The following NARS2 variants were observed in gnomAD, a reference collection of about 807,000 sequenced individuals.
NARS2 encodes the protein asparaginyl-tRNA synthetase 2, mitochondrial.
Under a neutral mutation model 62.9 loss-of-function variants are expected in NARS2, and 60 were observed. That is an observed-to-expected ratio of 0.95 (90% CI 0.77 to 1.18). NARS2 has a LOEUF of 1.18. Among genes scored for constraint, NARS2 ranks in the 50% most tolerant of loss-of-function variants. The probability of loss-of-function intolerance (pLI) is 0.00; values close to 1 mark genes in which losing one functional copy is unlikely to be tolerated. For missense variants in NARS2, 619 were observed against 576.4 expected, an observed-to-expected ratio of 1.07 and a Z score of -0.76; for synonymous variants, 196 against 200.0, an observed-to-expected ratio of 0.98 and a Z score of 0.17.
intron 5 of NARS2, among the ~76,000 whole-genome samples, chr11:78,557,027 C>T (rs1856379049): frequency 6.6e-6 from 1 of 152,162 alleles, no homozygotes; most frequent in Non-Finnish European, 1.5e-5. Flanking sequence ...TAATAACGAA[C>T]AAATGCCTTG....
Position 78,568,590 on chromosome 11 carries a change from T to C in NARS2, c.372+42A>G, listed in dbSNP as rs907416282. Reference sequence around the variant, plus strand: ...CACTTAAAACAGATTGCTGTCTTAATTAAAGCCTAAACAGCCTCCACAAAA... The same window carrying C: ...CACTTAAAACAGATTGCTGTCTTAACTAAAGCCTAAACAGCCTCCACAAAA... On this transcript the variant is annotated intron_variant, in intron 3 of 13. Transcript: ENST00000281038. 4.4e-6 allele frequency: 7 copies of C among 1,587,980 alleles called. No homozygotes were observed. In the South Asian group the frequency reaches 6.8e-5, roughly 16 times the overall value.
At chr11:78,457,152 T>C (rs1858195313) in intron 11 of NARS2, among the ~76,000 whole-genome samples, 1 of 152,216 alleles carries the variant, frequency 6.6e-6, no homozygotes, top group Admixed American at 6.5e-5. Flanking sequence ...TACTTTTCAG[T>C]ACACCACAGC....
At chr11:78,518,461 C>T (rs1437967727) in intron 6 of NARS2, among the ~76,000 whole-genome samples, 2 of 152,134 alleles carry the variant, frequency 1.3e-5, no homozygotes, top group African/African-American at 4.8e-5. Flanking sequence ...GGATTTAAAA[C>T]CTTTGAGAAT....
At chr11:78,506,019 A>T (rs1860483611) in intron 6 of NARS2, among the ~76,000 whole-genome samples, 1 of 152,168 alleles carries the variant, frequency 6.6e-6, no homozygotes, top group African/African-American at 2.4e-5. Flanking sequence ...AAAACAAACA[A>T]CCTAGTAAAA....
chr11:78,537,857 T>C lies in NARS2; in HGVS notation c.595-8921A>G, dbSNP rs1855427900. ...ATACATACATGTTTGTCTGACTTAA[T>C]TATCACATTATTCAAAACATTCCTT... On this transcript the variant is annotated intron_variant, in intron 5 of 13. Transcript: ENST00000281038. Among the ~76,000 whole-genome samples the C allele has an allele frequency of 2.6e-5, 4 of 152,230 alleles. No individual in the cohort carries two copies. In the South Asian group the frequency reaches 8.3e-4, roughly 31 times the overall value.
chr11:78,476,445 G>A (rs1303979076), intron 9 of NARS2, among the ~76,000 whole-genome samples: 1 of 152,220 alleles, frequency 6.6e-6, no homozygotes, highest in Non-Finnish European at 1.5e-5. Flanking sequence ...GTGTGGTATT[G>A]TGCCTACTTA....
At position 78,559,572 on chromosome 11, in the gene NARS2, G is replaced by A. The variant is rs542751507; in HGVS notation, c.561C>T (p.Asp187=). 5.6e-6 allele frequency: 9 copies of A among 1,613,184 alleles called. No individual in the cohort carries two copies. Among genetic ancestry groups the A allele is most frequent in the Non-Finnish European group, 7.6e-6 (9 of 1,179,494 alleles). ...GAAAAAGTTCTCCAGCTCCCTCAGA[G>A]TCATTGGATGTGATTATTGGAGTAT... The part of the protein sequence containing the change: ...HIHTPIITSN[D]SEGAGELFQL... Residue 187 remains aspartate (D), a synonymous_variant, in exon 5 of 14, where the codon GAC becomes GAT. Transcript: ENST00000281038.
intron 5 of NARS2, among the ~76,000 whole-genome samples, chr11:78,552,121 C>G (rs1856146194): frequency 1.3e-5 from 2 of 152,160 alleles, no homozygotes; most frequent in Admixed American, 1.3e-4. Flanking sequence ...CAACAGTTAT[C>G]TTTTCCGCTC....
In NARS2 at chr11:78,493,162, G is replaced by T; in HGVS notation, c.723C>A (p.Thr241=). 1 of 1,613,900 alleles carries T rather than the reference G, an allele frequency of 6.2e-7. No homozygotes were observed. The highest frequency in any genetic ancestry group is 1.1e-5 in the South Asian group (1 of 91,072). Residue 241 remains threonine (T), a synonymous_variant, in exon 7 of 14, where the codon ACC becomes ACA. Coordinates refer to ENST00000281038, the MANE Select transcript of NARS2 (RefSeq NM_024678.6). The stretch of plus-strand genomic sequence containing the variant: ...GGCTCTGAGAATTTTCAGCTCGGAA[G>T]GTCGGACCAAAGGTAAACACTTGAG... ...AFTQVFTFGP[T]FRAENSQSRR...
intron 5 of NARS2, chr11:78,555,395 CAGTTTTAG>C (rs778623275): frequency 1.3e-5 from 2 of 152,002 alleles, no homozygotes; most frequent in Non-Finnish European, 2.9e-5. Flanking sequence ...ATTATTTATT[CAGTTTTAG>C]AGTTTTGTTA....
At chr11:78,452,512 ATCC>A (rs1490003798) in intron 11 of NARS2, among the ~76,000 whole-genome samples, 2 of 152,048 alleles carry the variant, frequency 1.3e-5, no homozygotes, top group African/African-American at 2.4e-5. Context: ...GGCTCAAGCA[ATCC>A]TCCTAACTCA....
chr11:78,522,776 G>A (rs889712806), intron 6 of NARS2, among the ~76,000 whole-genome samples: 1 of 152,120 alleles, frequency 6.6e-6, no homozygotes, highest in African/African-American at 2.4e-5. Context: ...TTTTTATAAT[G>A]TAAGTATAAG....
intron 6 of NARS2, among the ~76,000 whole-genome samples, chr11:78,508,825 T>C (rs1860605279): frequency 6.6e-6 from 1 of 152,018 alleles, no homozygotes; most frequent in Non-Finnish European, 1.5e-5. Flanking sequence ...GTAAGGAATC[T>C]TCAATAAGAT....
At chr11:78,513,296 T>C (rs1860782897) in intron 6 of NARS2, among the ~76,000 whole-genome samples, 1 of 152,054 alleles carries the variant, frequency 6.6e-6, no homozygotes, top group South Asian at 2.1e-4. Flanking sequence ...AGTCCCCTTA[T>C]TGTGCAATCA....
At chr11:78,561,291 A>C (rs534160854) in intron 4 of NARS2, among the ~76,000 whole-genome samples, 16 of 152,334 alleles carry the variant, frequency 1.1e-4, no homozygotes, top group Non-Finnish European at 2.2e-4. Context: ...AAGTCCAAAA[A>C]AGTGAAAGCG....
intron 4 of NARS2, among the ~76,000 whole-genome samples, chr11:78,563,064 A>G (rs774427526): frequency 7.9e-5 from 12 of 152,160 alleles, no homozygotes; most frequent in Non-Finnish European, 1.6e-4. Context: ...ATAAAGGTAG[A>G]TAACTATCAC....
intron 5 of NARS2, among the ~76,000 whole-genome samples, chr11:78,550,600 A>T (rs1856062461): frequency 6.6e-6 from 1 of 152,236 alleles, no homozygotes; most frequent in South Asian, 2.1e-4. Flanking sequence ...ATAATCAAAG[A>T]AACTGAAAAT....
At chr11:78,475,034 C>T (rs1457683299) in intron 9 of NARS2, among the ~76,000 whole-genome samples, 5 of 152,130 alleles carry the variant, frequency 3.3e-5, no homozygotes, top group African/African-American at 1.2e-4. Context: ...TCTGGTCTAA[C>T]TGAAACTTTG....
At chr11:78,554,220 TGGCTATCTG>T (rs1407253056) in intron 5 of NARS2, among the ~76,000 whole-genome samples, 1 of 152,152 alleles carries the variant, frequency 6.6e-6, no homozygotes, top group Non-Finnish European at 1.5e-5. Context: ...TCTGGGCTCT[TGGCTATCTG>T]GGCTATCTTG....
Sources: allele counts gnomAD v4.1 joint callset (sites outside exome capture counted in the v4.1 genomes callset), GRCh38; gene constraint gnomAD v4.1.1; transcripts MANE v1.5; gene names NCBI Gene and HGNC (gene_info 2026-07-23, HGNC 2026-07-21).